DENND2B: variants seen among roughly 807,000 people sequenced by gnomAD.
DENND2B encodes the protein DENN domain-containing protein 2B.
Under a neutral mutation model 116.0 loss-of-function variants are expected in DENND2B, and 32 were observed. The ratio of observed to expected loss-of-function variants is 0.28; its 90% CI spans 0.21 to 0.37. The LOEUF (loss-of-function observed/expected upper bound fraction) is 0.37. DENND2B is among the 10% of genes least tolerant of loss of function. The probability of loss-of-function intolerance (pLI) is 1.00; values close to 1 mark genes in which losing one functional copy is unlikely to be tolerated. For missense variants in DENND2B, 1,276 were observed against 1,477.7 expected, an observed-to-expected ratio of 0.86 and a Z score of 2.24; for synonymous variants, 588 against 583.9, an observed-to-expected ratio of 1.01 and a Z score of -0.10.
In DENND2B at chr11:8,822,522, A is replaced by G. The variant is rs1594109235; in HGVS notation, c.-114-11187T>C. ...TTTCAAAAGTGGACTCTTTCCTGCA[A>G]CCTTCCGCTTTGACCTCGGACTCAC... On this transcript the variant is annotated intron_variant, in intron 4 of 6. Coordinates refer to the DENND2B transcript ENST00000524757. Among the ~76,000 whole-genome samples, 3 of 152,204 alleles carry G rather than the reference A, an allele frequency of 2.0e-5. No homozygotes were observed. In the South Asian group the frequency reaches 6.2e-4, roughly 32 times the overall value.
At position 8,731,196 on chromosome 11, in the gene DENND2B, A is replaced by C. The variant is rs2048076325; in HGVS notation, c.94T>G (p.Ser32Ala). Residue 32 changes from serine to alanine, a missense_variant, in exon 3 of 20, where the codon TCT becomes GCT. By Grantham distance (99) the Ser-to-Ala change is moderately conservative. Transcript: ENST00000313726. ...GGTGGGGAGAGAACTGGAGGTGGAG[A>C]GACTGACTGAGACCTGGGGGCAAAA... ...RGTLSRSQSV[S>A]PPPVLSPPRS... is the part of the protein sequence containing the mutation. The C allele has an allele frequency of 6.7e-7, 1 of 1,502,142 alleles. No individual in the cohort carries two copies. Among genetic ancestry groups the C allele is most frequent in the Non-Finnish European group, 8.9e-7 (1 of 1,126,096 alleles). The allele number at this position is 1,502,142 out of a possible 1,614,324, so 93.1% of individuals were successfully genotyped here.
At chr11:8,695,599 G>A in intron 18 of DENND2B, 50 bp from the exon 19 acceptor site, 1 of 1,537,372 alleles carries the variant, frequency 6.5e-7, no homozygotes, top group Non-Finnish European at 9.0e-7. Context: ...TGGAGGAAGG[G>A]AAGGAGAGGC....
chr11:8,902,472 C>T (rs1237970656), intron 1 of DENND2B, among the ~76,000 whole-genome samples: 1 of 152,210 alleles, frequency 6.6e-6, no homozygotes, highest in Non-Finnish European at 1.5e-5. Flanking sequence ...GCTATATCTT[C>T]CAGATGTAAT....
intron 11 of DENND2B, chr11:8,708,167 T>C (rs2042948072): frequency 7.7e-7 from 1 of 1,296,606 alleles, no homozygotes; most frequent in Non-Finnish European, 9.9e-7. Flanking sequence ...TGGCAGAGGC[T>C]ACAGGGTGTC....
At chr11:8,849,698 C>A (rs905764091) in intron 3 of DENND2B, among the ~76,000 whole-genome samples, 47 of 151,698 alleles carry the variant, frequency 3.1e-4, no homozygotes, top group African/African-American at 1.1e-3. Flanking sequence ...TGGCAGGCAC[C>A]TGTAATCCCA....
At chr11:8,755,341 T>G (rs2053425505) in intron 1 of DENND2B, among the ~76,000 whole-genome samples, 1 of 152,234 alleles carries the variant, frequency 6.6e-6, no homozygotes, top group Non-Finnish European at 1.5e-5. Context: ...AATAAGTGAT[T>G]GGTTTTGATG....
rs1342434569 is a variant in DENND2B at position 8,695,461 on chromosome 11, A to G, written c.3379+2T>C. Reference sequence around the variant, plus strand: ...TATCTCATCAGTAACAAGGCCACTTACCCAAACCTCGGAGAAACTTATTCA... The same window carrying G: ...TATCTCATCAGTAACAAGGCCACTTGCCCAAACCTCGGAGAAACTTATTCA... On this transcript the variant is annotated splice_donor_variant, in intron 19 of 19. Coordinates refer to ENST00000313726, the MANE Select transcript of DENND2B (RefSeq NM_213618.2). LOFTEE classifies it high-confidence loss of function. The G allele has an allele frequency of 6.2e-7, 1 of 1,613,438 alleles. No homozygotes were observed. Among genetic ancestry groups the G allele is most frequent in the Non-Finnish European group, 8.5e-7 (1 of 1,179,868 alleles).
At chr11:8,761,633 C>G (rs2054653905) in intron 1 of DENND2B, among the ~76,000 whole-genome samples, 1 of 152,180 alleles carries the variant, frequency 6.6e-6, no homozygotes, top group Non-Finnish European at 1.5e-5. Context: ...ATATCCAGTT[C>G]AAGTGTCAAC....
chr11:8,803,835 T>C (rs537603582), intron 1 of DENND2B, among the ~76,000 whole-genome samples: 1 of 152,280 alleles, frequency 6.6e-6, no homozygotes, highest in Non-Finnish European at 1.5e-5. Context: ...CAAAGCCTAT[T>C]CTATGCTCTA....
At chr11:8,725,588 C>G (rs1165290602) in intron 4 of DENND2B, among the ~76,000 whole-genome samples, 1 of 152,018 alleles carries the variant, frequency 6.6e-6, no homozygotes, top group African/African-American at 2.4e-5. Context: ...GAACTCCTGA[C>G]CTTAGGTGAT....
chr11:8,788,998 T>C (rs2059149834), intron 1 of DENND2B, among the ~76,000 whole-genome samples: 1 of 152,220 alleles, frequency 6.6e-6, no homozygotes, highest in Admixed American at 6.5e-5. Flanking sequence ...CCACTGTACC[T>C]ACCTAAAAAG....
chr11:8,833,319 T>C (rs1487084361), intron 4 of DENND2B, among the ~76,000 whole-genome samples: 2 of 152,232 alleles, frequency 1.3e-5, no homozygotes, highest in African/African-American at 4.8e-5. Context: ...GCCTTCCTGT[T>C]ATATACTAAG....
intron 1 of DENND2B, among the ~76,000 whole-genome samples, chr11:8,890,189 T>C (rs1455815846): frequency 6.6e-6 from 1 of 152,042 alleles, no homozygotes; most frequent in Non-Finnish European, 1.5e-5. Flanking sequence ...GTCCTGACTG[T>C]TAGAAGGAAA....
chr11:8,696,328 G>A (rs2040351640), intron 18 of DENND2B, 99 bp downstream of exon 18: 4 of 1,525,900 alleles, frequency 2.6e-6, no homozygotes, highest in Non-Finnish European at 3.5e-6. Flanking sequence ...AAGAGGCCTG[G>A]CCCTAGCTGA....
At chr11:8,856,949 C>T (rs2063216319) in intron 3 of DENND2B, among the ~76,000 whole-genome samples, 1 of 151,898 alleles carries the variant, frequency 6.6e-6, no homozygotes, top group South Asian at 2.1e-4. Flanking sequence ...GACAGGGTCT[C>T]ACCATGTCAC....
intron 1 of DENND2B, among the ~76,000 whole-genome samples, chr11:8,792,078 G>A (rs2059431508): frequency 6.6e-6 from 1 of 150,804 alleles, no homozygotes; most frequent in African/African-American, 2.4e-5. Flanking sequence ...GATGGTGGGT[G>A]CCTGTAATCC....
At chr11:8,874,016 G>T (rs1164806430), upstream of DENND2B, among the ~76,000 whole-genome samples, 1 of 152,154 alleles carries the variant, frequency 6.6e-6, no homozygotes, top group Non-Finnish European at 1.5e-5. Flanking sequence ...CCTAATTTAG[G>T]GGTCTGAGAT....
At chr11:8,700,223 A>G (rs1408944515) in intron 14 of DENND2B, among the ~76,000 whole-genome samples, 2 of 152,188 alleles carry the variant, frequency 1.3e-5, no homozygotes, top group South Asian at 2.1e-4. Flanking sequence ...TTGGCTGACA[A>G]TGACCATGGC....
intron 2 of DENND2B, among the ~76,000 whole-genome samples, chr11:8,880,666 C>T (rs1256508990): frequency 2.0e-5 from 3 of 152,076 alleles, no homozygotes; most frequent in East Asian, 1.9e-4. Context: ...TATGGTCACG[C>T]ATGTTATCTC....
Sources: gnomAD v4.1 joint callset for allele counts (sites outside exome capture counted in the v4.1 genomes callset) on GRCh38, gnomAD v4.1.1 for gene constraint, MANE v1.5 for transcripts, NCBI Gene and HGNC (gene_info 2026-07-23, HGNC 2026-07-21) for gene names.